Variants in WDR75 observed in about 807,000 individuals in gnomAD.
The protein encoded by WDR75 is WD repeat-containing protein 75.
In WDR75, 52 loss-of-function variants were observed where a neutral mutation model predicts 106.1. That is an observed-to-expected ratio of 0.49 (90% confidence interval 0.39 to 0.62). The LOEUF is 0.62. WDR75 is among the 20% of genes least tolerant of loss of function. The probability of loss-of-function intolerance (pLI) is 0.00; values close to 1 mark genes in which losing one functional copy is unlikely to be tolerated. For missense variants in WDR75, 905 were observed against 970.3 expected, an observed-to-expected ratio of 0.93 and a Z score of 0.89; for synonymous variants, 333 against 335.5, an observed-to-expected ratio of 0.99 and a Z score of 0.08.
At chr2:189,457,419 C>T in intron 6 of WDR75, 38 bp downstream of exon 6, 1 of 1,323,186 alleles carries the variant, frequency 7.6e-7, no homozygotes, top group South Asian at 1.2e-5. Context: ...TTTATTTGCT[C>T]AAGAGTTCTT....
In WDR75 at chr2:189,467,505, T is replaced by C. The variant is rs377038152; in HGVS notation, c.1485T>C (p.Ser495=). The change falls in exon 14 of 21, where the codon AGT becomes AGC. Residue 495 remains serine (S), a synonymous_variant. Coordinates refer to ENST00000314761, the MANE Select transcript of WDR75 (RefSeq NM_032168.3). ...AVGWTCDFVG[S]YHKYQATNCC... ...GCTGGACCTGTGACTTTGTTGGTAG[T>C]TATCACAAGTATCAAGCAACTAACT... The C allele has an allele frequency of 1.4e-4, 228 of 1,604,544 alleles. No individual in the cohort carries two copies. Among genetic ancestry groups the C allele is most frequent in the Non-Finnish European group, 1.9e-4 (227 of 1,175,992 alleles).
Position 189,462,540 on chromosome 2 carries a change from A to C in WDR75, c.835A>C (p.Thr279Pro). The change falls in exon 9 of 21, where the codon ACA becomes CCA. Residue 279 changes from threonine to proline, a missense_variant. Transcript: ENST00000314761. ...ESVLVEWRDA[T>P]EKNKEFLPRL... is the part of the protein sequence containing the mutation. ...TGTACTTGTAGAGTGGCGCGATGCA[A>C]CAGAGAAGAATAAGGAGTTTCTCCC... The C allele has an allele frequency of 1.2e-6, 2 of 1,614,116 alleles. No homozygotes were observed. Among genetic ancestry groups the C allele is most frequent in the Non-Finnish European group, 1.7e-6 (2 of 1,179,982 alleles).
chr2:189,442,647 G>A (rs1316727059), intron 1 of WDR75, among the ~76,000 whole-genome samples: 2 of 151,716 alleles, frequency 1.3e-5, no homozygotes, highest in Admixed American at 6.6e-5. Context: ...AGAGGGTTTC[G>A]CCATGTTGGC....
At chr2:189,447,401 G>A (rs577643236) in intron 1 of WDR75, among the ~76,000 whole-genome samples, 1 of 152,304 alleles carries the variant, frequency 6.6e-6, no homozygotes, top group Admixed American at 6.5e-5. Context: ...ATGGAATAAA[G>A]TCTTTGTATT....
chr2:189,441,848 C>T (rs991509781), intron 1 of WDR75, among the ~76,000 whole-genome samples: 1 of 152,144 alleles, frequency 6.6e-6, no homozygotes, highest in East Asian at 1.9e-4. Context: ...GGAAGGTGTT[C>T]GGGCGGCTGG....
At position 189,443,782 on chromosome 2, in the gene WDR75, A is replaced by C. The variant is rs563272133; in HGVS notation, c.86+2204A>C. On this transcript the variant is annotated intron_variant, in intron 1 of 20. Coordinates refer to ENST00000314761, the MANE Select transcript of WDR75 (RefSeq NM_032168.3). ...GAAAACTGGGGGGATTGAGCCTTCT[A>C]TGTAAAGTCAGTGTAATTGCAGCAT... 5.3e-5 allele frequency among the ~76,000 whole-genome samples: 8 copies of C among 152,316 alleles called. No homozygotes were observed. The South Asian group carries it at 1.7e-3, about 32-fold the overall frequency.
chr2:189,445,428 G>A (rs190597527), intron 1 of WDR75, among the ~76,000 whole-genome samples: 1 of 152,194 alleles, frequency 6.6e-6, no homozygotes, highest in African/African-American at 2.4e-5. Flanking sequence ...AGCACATTAG[G>A]ACGGGTGCTG....
chr2:189,445,765 T>G (rs1191227866), intron 1 of WDR75, among the ~76,000 whole-genome samples: 1 of 152,244 alleles, frequency 6.6e-6, no homozygotes, highest in Non-Finnish European at 1.5e-5. Flanking sequence ...GCAGGAACTC[T>G]GTAATTCTTC....
intron 4 of WDR75, among the ~76,000 whole-genome samples, chr2:189,453,458 C>T (rs1218063227): frequency 6.6e-6 from 1 of 152,140 alleles, no homozygotes; most frequent in African/African-American, 2.4e-5. Context: ...TGATTCTAAA[C>T]ACTGACTACA....
chr2:189,441,898 C>A (rs1686375954), intron 1 of WDR75, among the ~76,000 whole-genome samples: 2 of 152,208 alleles, frequency 1.3e-5, no homozygotes, highest in Non-Finnish European at 2.9e-5. Context: ...ACTACCTTTG[C>A]AGTACCTACT....
chr2:189,448,702 TA>T (rs1686551839), intron 2 of WDR75, 194 bp downstream of exon 2: 1 of 720,510 alleles, frequency 1.4e-6, no homozygotes. Context: ...CACAGAATGC[TA>T]AGAGGTATTA....
At chr2:189,455,277 C>A in intron 4 of WDR75, 43 bp from the exon 5 acceptor site, 1 of 1,581,954 alleles carries the variant, frequency 6.3e-7, no homozygotes, top group South Asian at 1.2e-5. Context: ...CATGTTTGCT[C>A]TCTCTAGAGA....
chr2:189,465,074 A>G lies in WDR75; in HGVS notation c.1114-5A>G, dbSNP rs1187666875. 1 of 1,545,528 alleles carries G rather than the reference A, an allele frequency of 6.5e-7. No individual in the cohort carries two copies. Among genetic ancestry groups the G allele is most frequent in the East Asian group, 2.3e-5 (1 of 43,898 alleles). On this transcript the variant is annotated splice_region_variant and splice_polypyrimidine_tract_variant and intron_variant, in intron 11 of 20. Transcript: ENST00000314761. ...TTTGGTTTTTTGGTTTTTTTTACTCATCAGTTAGATATTATACAGCAAGAA... is the reference window on the plus strand; with the variant it reads ...TTTGGTTTTTTGGTTTTTTTTACTCGTCAGTTAGATATTATACAGCAAGAA...
In WDR75 at chr2:189,441,496, G is replaced by A. The variant is rs1361054965; in HGVS notation, c.4G>A (p.Val2Met). M[V>M]EEENIRVVRC... ...GCCATTCCGCTACTGCGCAAAGATG[G>A]TGGAGGAGGAGAACATCCGCGTGGT... The change falls in exon 1 of 21, where the codon GTG becomes ATG. Residue 2 changes from valine to methionine, a missense_variant. Coordinates refer to ENST00000314761, the MANE Select transcript of WDR75 (RefSeq NM_032168.3). 2 of 1,562,136 alleles carry A rather than the reference G, an allele frequency of 1.3e-6. No homozygotes were observed. Among genetic ancestry groups the A allele is most frequent in the Non-Finnish European group, 1.7e-6 (2 of 1,151,952 alleles).
intron 20 of WDR75, 126 bp downstream of exon 20, chr2:189,474,934 A>T: frequency 1.2e-6 from 1 of 843,800 alleles, no homozygotes; most frequent in Non-Finnish European, 1.9e-6. Context: ...AAATAGATTT[A>T]AAGGCTATAG....
chr2:189,462,905 C>T (rs1686926775), intron 9 of WDR75, among the ~76,000 whole-genome samples: 1 of 152,086 alleles, frequency 6.6e-6, no homozygotes, highest in African/African-American at 2.4e-5. Flanking sequence ...TTTTCAAAGT[C>T]TTTTAGTGTG....
intron 1 of WDR75, among the ~76,000 whole-genome samples, chr2:189,442,795 G>T (rs1686410464): frequency 6.6e-6 from 1 of 152,008 alleles, no homozygotes; most frequent in South Asian, 2.1e-4. Flanking sequence ...AGTTGTTGAA[G>T]GTAATGCAAG....
In WDR75 at chr2:189,458,887, G is replaced by C; in HGVS notation, c.689+15G>C. The C allele has an allele frequency of 6.3e-7, 1 of 1,597,284 alleles. No individual in the cohort carries two copies. Among genetic ancestry groups the C allele is most frequent in the Non-Finnish European group, 8.5e-7 (1 of 1,173,532 alleles). ...ATTCGTCTTTGGTCAGTTTGCTCAT[G>C]AAGAGCATGGCGATCATTTATGTAC... On this transcript the variant is annotated intron_variant, in intron 7 of 20. Transcript: ENST00000314761.
intron 4 of WDR75, among the ~76,000 whole-genome samples, chr2:189,452,517 G>A (rs992770725): frequency 1.0e-4 from 15 of 150,524 alleles, no homozygotes; most frequent in African/African-American, 3.7e-4. Flanking sequence ...AGCTGAGATG[G>A]CGCCACTGCA....
Sources: allele counts gnomAD v4.1 joint callset (sites outside exome capture counted in the v4.1 genomes callset), GRCh38; gene constraint gnomAD v4.1.1; transcripts MANE v1.5; gene names NCBI Gene and HGNC (gene_info 2026-07-23, HGNC 2026-07-21).